The following IL1RAPL2 variants were observed in gnomAD, a reference collection of about 807,000 sequenced individuals.
The protein encoded by IL1RAPL2 is interleukin 1 receptor accessory protein like 2.
IL1RAPL2 carries 3 observed loss-of-function variants against 44.1 expected under a neutral mutation model. That is an observed-to-expected ratio of 0.07 (90% CI 0.03 to 0.18). The LOEUF is 0.18. Among genes scored for constraint, IL1RAPL2 ranks in the 10% least tolerant of loss-of-function variants. The pLI is 1.00. For missense variants in IL1RAPL2, 391 were observed against 496.4 expected (o/e 0.79, Z 2.02); for synonymous variants, 181 against 178.8 (o/e 1.01, Z -0.10).
At chrX:104,718,216 C>T (rs1931614128) in intron 2 of IL1RAPL2, among the ~76,000 whole-genome samples, 1 of 111,244 alleles carries the variant, frequency 9.0e-6, no homozygotes, top group African/African-American at 3.3e-5. Flanking sequence ...TTTACAGTCC[C>T]ACCAACAGTG....
chrX:104,645,672 T>G (rs1930022770), intron 1 of IL1RAPL2, among the ~76,000 whole-genome samples: 1 of 111,935 alleles, frequency 8.9e-6, no homozygotes, highest in Admixed American at 9.4e-5. Flanking sequence ...TTGTCTGTGG[T>G]TTTTTCTTTT....
intron 1 of IL1RAPL2, among the ~76,000 whole-genome samples, chrX:104,657,535 G>A (rs1930293370): frequency 9.0e-6 from 1 of 111,603 alleles, no homozygotes; most frequent in African/African-American, 3.3e-5. Context: ...AGAAACCCTA[G>A]GCAATACCAT....
intron 2 of IL1RAPL2, among the ~76,000 whole-genome samples, chrX:104,967,543 G>A (rs1396682316): frequency 9.0e-6 from 1 of 110,694 alleles, no homozygotes. Flanking sequence ...GAAAATAAGA[G>A]GAGGACAGAA....
At chrX:105,422,656 G>T (rs1292632699) in intron 5 of IL1RAPL2, among the ~76,000 whole-genome samples, 1 of 111,707 alleles carries the variant, frequency 9.0e-6, no homozygotes, top group Non-Finnish European at 1.9e-5. Flanking sequence ...CAAAAGAAAA[G>T]TTTCCTTGAC....
intron 4 of IL1RAPL2, among the ~76,000 whole-genome samples, chrX:105,241,122 A>G (rs2034167418): frequency 9.0e-6 from 1 of 111,331 alleles, no homozygotes; most frequent in East Asian, 2.8e-4. Flanking sequence ...ATATCAAATA[A>G]TCCTGTTTAC....
chrX:105,390,932 G>A (rs1291284140), intron 5 of IL1RAPL2, among the ~76,000 whole-genome samples: 1 of 111,268 alleles, frequency 9.0e-6, no homozygotes, highest in Non-Finnish European at 1.9e-5. Context: ...ATGGATGTTG[G>A]AATAAAGACC....
chrX:105,129,582 C>T (rs956035782), intron 2 of IL1RAPL2, among the ~76,000 whole-genome samples: 4 of 110,634 alleles, frequency 3.6e-5, no homozygotes, highest in Non-Finnish European at 7.6e-5. Flanking sequence ...GTTTTTAGAT[C>T]GGGGGTCATT....
intron 4 of IL1RAPL2, among the ~76,000 whole-genome samples, chrX:105,239,408 A>G (rs1373475852): frequency 9.0e-6 from 1 of 111,662 alleles, no homozygotes; most frequent in African/African-American, 3.3e-5. Flanking sequence ...TTCTAGAAGA[A>G]TGAAGGACTC....
At chrX:104,604,567 A>G (rs1928960693) in intron 1 of IL1RAPL2, among the ~76,000 whole-genome samples, 1 of 99,713 alleles carries the variant, frequency 1.0e-5, no homozygotes, top group Non-Finnish European at 2.0e-5. Context: ...GACCCATCTC[A>G]TGTGCAAAGA....
chrX:104,978,887 G>T (rs182809556), intron 2 of IL1RAPL2, among the ~76,000 whole-genome samples: 1 of 111,510 alleles, frequency 9.0e-6, no homozygotes, highest in East Asian at 2.8e-4. Context: ...TGAGGAACAT[G>T]AATAGATGGA....
At chrX:105,065,611 T>A (rs1839473064) in intron 2 of IL1RAPL2, among the ~76,000 whole-genome samples, 1 of 111,832 alleles carries the variant, frequency 8.9e-6, no homozygotes, top group Non-Finnish European at 1.9e-5. Context: ...CTGATGAGTA[T>A]GAAGAACATT....
At chrX:104,628,226 TATATA>T (rs1410904645) in intron 1 of IL1RAPL2, among the ~76,000 whole-genome samples, 1 of 111,326 alleles carries the variant, frequency 9.0e-6, no homozygotes, top group African/African-American at 3.3e-5. Context: ...TATTTTGAAA[TATATA>T]ATATATTGTT....
Position 104,861,081 on chromosome X carries a change from G to T in IL1RAPL2, c.82+202086G>T, listed in dbSNP as rs149653607. ...TGTATTACCTGAATTTCTAAATTTA[G>T]AAAAACTTGCTAACCACTACCCCTT... On this transcript the variant is annotated intron_variant, in intron 2 of 10. Coordinates refer to ENST00000372582, the MANE Select transcript of IL1RAPL2 (RefSeq NM_017416.2). Among the ~76,000 whole-genome samples, 110 of 111,759 alleles carry T rather than the reference G, an allele frequency of 9.8e-4. 2 individuals are homozygous for T. In the East Asian group the frequency reaches 0.029, roughly 30 times the overall value.
rs183370201 is a variant in IL1RAPL2 at position 105,681,932 on chromosome X, T to C, written c.773-35435T>C. ...GCACTGAGGACTGTAGTTGATTGCA[T>C]ATGCTTTCAAGAAAGGATCAGAGTA... is the stretch of plus-strand genomic sequence containing the variant. On this transcript the variant is annotated intron_variant, in intron 6 of 10. Transcript: ENST00000372582. Among the ~76,000 whole-genome samples the C allele has an allele frequency of 1.4e-3, 160 of 111,472 alleles. 1 individual carries two copies. Among genetic ancestry groups the C allele is most frequent in the Non-Finnish European group, 2.7e-3 (145 of 53,102 alleles).
intron 2 of IL1RAPL2, among the ~76,000 whole-genome samples, chrX:104,749,085 A>G (rs1199448173): frequency 1.8e-5 from 2 of 111,416 alleles, no homozygotes; most frequent in Non-Finnish European, 3.8e-5. Context: ...ATATAACAGT[A>G]AGGATTTTAT....
intron 3 of IL1RAPL2, among the ~76,000 whole-genome samples, chrX:105,212,374 G>A (rs1191398144): frequency 8.9e-6 from 1 of 112,142 alleles, no homozygotes; most frequent in African/African-American, 3.2e-5. Flanking sequence ...ATTCACCACA[G>A]TGTGGCAAAG....
intron 5 of IL1RAPL2, among the ~76,000 whole-genome samples, chrX:105,349,036 C>A: frequency 8.9e-6 from 1 of 112,048 alleles, no homozygotes; most frequent in Non-Finnish European, 1.9e-5. Flanking sequence ...ACAATTGGAC[C>A]AGTTTCAAGT....
chrX:105,162,841 C>G lies in IL1RAPL2; in HGVS notation c.83-32634C>G, dbSNP rs2033338284. 3.6e-5 allele frequency among the ~76,000 whole-genome samples: 4 copies of G among 111,576 alleles called. No individual in the cohort carries two copies. In the South Asian group the frequency reaches 1.5e-3, roughly 42 times the overall value. ...GGTGTCTGGTGAGGGTCTGTTCTTC[C>G]CATTCCTCATAGACAGTGCCCTCTA... is the stretch of plus-strand genomic sequence containing the variant. On this transcript the variant is annotated intron_variant, in intron 2 of 10. Transcript: ENST00000372582.
At chrX:105,049,774 A>G (rs893114773) in intron 2 of IL1RAPL2, among the ~76,000 whole-genome samples, 2 of 111,381 alleles carry the variant, frequency 1.8e-5, no homozygotes, top group African/African-American at 3.3e-5. Context: ...TGAAATGTCA[A>G]TACTCACACA....
Sources: gnomAD v4.1 joint callset for allele counts (sites outside exome capture counted in the v4.1 genomes callset) on GRCh38, gnomAD v4.1.1 for gene constraint, MANE v1.5 for transcripts, NCBI Gene and HGNC (gene_info 2026-07-23, HGNC 2026-07-21) for gene names.